The following TRIM2 variants were observed in gnomAD, a reference collection of about 807,000 sequenced individuals.
TRIM2 encodes tripartite motif containing 2.
In TRIM2, 20 loss-of-function variants were observed where a neutral mutation model predicts 75.2. That is an observed-to-expected ratio of 0.27 (90% CI 0.19 to 0.39). The LOEUF (loss-of-function observed/expected upper bound fraction) is 0.39, where lower values mean the gene tolerates loss of function less well. Among genes scored for constraint, TRIM2 ranks in the 10% least tolerant of loss-of-function variants. TRIM2 has a pLI of 1.00. For missense variants in TRIM2, 660 were observed against 990.8 expected (o/e 0.67, Z 4.48); for synonymous variants, 373 against 388.3 (o/e 0.96, Z 0.46).
chr4:153,157,517 G>A (rs1729345191), intron 1 of TRIM2, among the ~76,000 whole-genome samples: 1 of 152,182 alleles, frequency 6.6e-6, no homozygotes, highest in African/African-American at 2.4e-5. Flanking sequence ...TATGTTTCTT[G>A]GAGGAGCAGA....
chr4:153,301,785 A>T (rs1288341315), intron 6 of TRIM2, among the ~76,000 whole-genome samples: 1 of 152,186 alleles, frequency 6.6e-6, no homozygotes. Context: ...TCTTTGTTGA[A>T]AATCAACTAT....
chr4:153,315,561 T>A lies in TRIM2; in HGVS notation c.1587T>A (p.Ile529=), dbSNP rs200591110. ...CATCTACAAATGGAAAGATATTAAT[T>A]GCAGACAGTAACAACCAATGTGTGC... ...VAASTNGKIL[I]ADSNNQCVQI... is the part of the protein sequence containing the mutation. Residue 529 remains isoleucine (I), a synonymous_variant, in exon 7 of 12, where the codon ATT becomes ATA. Coordinates refer to ENST00000338700, the MANE Select transcript of TRIM2 (RefSeq NM_015271.5). 1.2e-6 allele frequency: 2 copies of A among 1,611,698 alleles called. No individual in the cohort carries two copies. Among genetic ancestry groups the A allele is most frequent in the East Asian group, 4.5e-5 (2 of 44,776 alleles).
intron 1 of TRIM2, among the ~76,000 whole-genome samples, chr4:153,153,555 C>T (rs1416368181): frequency 6.6e-6 from 1 of 152,230 alleles, no homozygotes; most frequent in Non-Finnish European, 1.5e-5. Flanking sequence ...AGGAAATAAC[C>T]TTGGCCTAGG....
At chr4:153,300,856 G>A (rs1763747892) in intron 6 of TRIM2, among the ~76,000 whole-genome samples, 1 of 151,312 alleles carries the variant, frequency 6.6e-6, no homozygotes, top group Non-Finnish European at 1.5e-5. Flanking sequence ...GTCTATTCAG[G>A]TTCTTTGCCT....
In TRIM2 at chr4:153,322,766, A is replaced by G; in HGVS notation, c.1901A>G (p.Lys634Arg). Residue 634 changes from lysine to arginine, a missense_variant, in exon 9 of 12, where the codon AAA becomes AGA. Transcript: ENST00000338700. ...GTGTTTATCTTCCAGCCAAACGGGA[A>G]AATAGTCACCAGGTTTGGTAGCCGA... ...CCVFIFQPNG[K>R]IVTRFGSRGN... is the part of the protein sequence containing the mutation. 1 of 1,614,224 alleles carries G rather than the reference A, an allele frequency of 6.2e-7. No individual in the cohort carries two copies. Among genetic ancestry groups the G allele is most frequent in the Non-Finnish European group, 8.5e-7 (1 of 1,180,032 alleles).
chr4:153,192,489 C>A (rs113804836), intron 1 of TRIM2, among the ~76,000 whole-genome samples: 26,742 of 151,494 alleles, frequency 0.18, 2,945 homozygotes, highest in Non-Finnish European at 0.26. Flanking sequence ...CGCCAGTAGT[C>A]CCAGTTACTC....
rs767600727 is a variant in TRIM2 at position 153,293,077 on chromosome 4, T to C, written c.549T>C (p.Asp183=). ...HAEHPTVPLK[D]VVEQHKASLQ... Reference sequence around the variant, plus strand: ...AGCACCCCACAGTTCCACTCAAGGATGTGGTGGAACAGCACAAGGCCTCGC... The same window carrying C: ...AGCACCCCACAGTTCCACTCAAGGACGTGGTGGAACAGCACAAGGCCTCGC... Residue 183 remains aspartate, a synonymous_variant, in exon 4 of 12, where the codon GAT becomes GAC. Coordinates refer to ENST00000338700, the MANE Select transcript of TRIM2 (RefSeq NM_015271.5). 6.2e-7 allele frequency: 1 copy of C among 1,613,664 alleles called. No individual in the cohort carries two copies. The highest frequency in any genetic ancestry group is 1.1e-5 in the South Asian group (1 of 91,056).
upstream of TRIM2, among the ~76,000 whole-genome samples, chr4:153,200,725 ATAT>A (rs376586918): frequency 0.12 from 14,365 of 124,704 alleles, 823 homozygotes; most frequent in African/African-American, 0.16. Flanking sequence ...AGAAAAAAAA[ATAT>A]ATATATATAT....
At chr4:153,270,256 C>A in intron 1 of TRIM2, 79 bp from the exon 2 acceptor site, 1 of 1,507,010 alleles carries the variant, frequency 6.6e-7, no homozygotes, top group African/African-American at 1.4e-5. Flanking sequence ...TAGCACAATG[C>A]TTATGGTGAA....
rs540563795 is a variant in TRIM2 at position 153,224,310 on chromosome 4, T to C, written c.30+19750T>C. Among the ~76,000 whole-genome samples, 16 of 152,310 alleles carry C rather than the reference T, an allele frequency of 1.1e-4. No individual in the cohort carries two copies. The South Asian group carries it at 3.1e-3, about 30-fold the overall frequency. ...CAATGAAGGATCAATTAAAATGAAC[T>C]CCACCTCCCTTCTCCCTTAGGGTAA... On this transcript the variant is annotated intron_variant, in intron 1 of 11. Coordinates refer to ENST00000338700, the MANE Select transcript of TRIM2 (RefSeq NM_015271.5).
chr4:153,176,596 G>C (rs372032860), intron 1 of TRIM2, among the ~76,000 whole-genome samples: 1 of 150,412 alleles, frequency 6.6e-6, no homozygotes, highest in African/African-American at 2.5e-5. Context: ...AAAATTTCAT[G>C]TGCTACTTAT....
chr4:153,249,607 T>TCGGCAACCTCCCTGCTCCCGCCC (rs1560885438), intron 1 of TRIM2, among the ~76,000 whole-genome samples: 1 of 150,516 alleles, frequency 6.6e-6, no homozygotes, highest in East Asian at 1.9e-4. Context: ...TGCTCCCGCC[T>TCGGCAACCTCCCTGCTCCCGCCC]CGGCCACCTC....
At chr4:153,317,722 G>A (rs1768000870) in intron 8 of TRIM2, among the ~76,000 whole-genome samples, 1 of 152,138 alleles carries the variant, frequency 6.6e-6, no homozygotes, top group Admixed American at 6.5e-5. Context: ...CAGCACTTTG[G>A]GAAGCTGAAG....
Position 153,260,711 on chromosome 4 carries a change from C to CAG in TRIM2, c.31-9623_31-9622insGA, listed in dbSNP as rs1753288272. Reference sequence around the variant, plus strand: ...ACCCACCCCCCCCCCCACACACACACACACACACACACACATCATCATCAT... The same window carrying CAG: ...ACCCACCCCCCCCCCCACACACACACAGACACACACACACACATCATCATCAT... On this transcript the variant is annotated intron_variant, in intron 1 of 11. Transcript: ENST00000338700. Among the ~76,000 whole-genome samples the CAG allele has an allele frequency of 6.4e-5, 6 of 94,436 alleles. No individual in the cohort carries two copies. The Admixed American group carries it at 6.7e-4, about 11-fold the overall frequency. The allele number at this position is 94,436 out of a possible 152,430, so 62.0% of individuals were successfully genotyped here.
chr4:153,183,539 A>G (rs4583738), intron 1 of TRIM2, among the ~76,000 whole-genome samples: 35,871 of 151,962 alleles, frequency 0.24, 4,825 homozygotes, highest in African/African-American at 0.36. Flanking sequence ...TAGACAAAGG[A>G]GGAAGGGTGC....
chr4:153,177,462 A>G (rs1731558744), intron 1 of TRIM2, among the ~76,000 whole-genome samples: 2 of 152,150 alleles, frequency 1.3e-5, no homozygotes. Context: ...CCTGGCCAAC[A>G]TGGTGAAACC....
chr4:153,212,666 A>AG (rs1291197348), intron 1 of TRIM2, among the ~76,000 whole-genome samples: 2 of 152,330 alleles, frequency 1.3e-5, no homozygotes, highest in East Asian at 3.9e-4. Flanking sequence ...TAGGAAAAAA[A>AG]GAAAAAGAAA....
rs533148510 is a variant in TRIM2, at chr4:153,220,504, A to G, written c.30+15944A>G. On this transcript the variant is annotated intron_variant, in intron 1 of 11. Coordinates refer to ENST00000338700, the MANE Select transcript of TRIM2 (RefSeq NM_015271.5). Reference sequence around the variant, plus strand: ...AAGGACAGCCCGTAGAATAAGAACAAATATTTTCAAAGCACACATCTGATA... The same window carrying G: ...AAGGACAGCCCGTAGAATAAGAACAGATATTTTCAAAGCACACATCTGATA... 4.6e-5 allele frequency among the ~76,000 whole-genome samples: 7 copies of G among 152,310 alleles called. No individual in the cohort carries two copies. The South Asian group carries it at 1.5e-3, about 32-fold the overall frequency.
chr4:153,190,102 G>A (rs1037764564), intron 1 of TRIM2, among the ~76,000 whole-genome samples: 1 of 152,224 alleles, frequency 6.6e-6, no homozygotes, highest in East Asian at 1.9e-4. Flanking sequence ...TCGGCTTGCA[G>A]ATGGAGTTGG....
Sources: allele counts gnomAD v4.1 joint callset (sites outside exome capture counted in the v4.1 genomes callset), GRCh38; gene constraint gnomAD v4.1.1; transcripts MANE v1.5; gene names NCBI Gene and HGNC (gene_info 2026-07-23, HGNC 2026-07-21).